Variants in ALPK1 observed in about 807,000 individuals in gnomAD.
ALPK1 encodes the protein alpha-protein kinase 1.
A neutral mutation model predicts 120.6 loss-of-function variants in ALPK1; 110 were observed. The observed-to-expected ratio is 0.91, with a 90% CI of 0.78 to 1.07. The LOEUF is 1.07. Ranked by LOEUF, ALPK1 falls within the 50% of genes least tolerant of loss-of-function variation. ALPK1 has a pLI of 0.00. For missense variants in ALPK1, 1,498 were observed against 1,483.9 expected (o/e 1.01, Z -0.16); for synonymous variants, 582 against 560.3 (o/e 1.04, Z -0.55).
At chr4:112,349,225 T>C (rs899494547) in intron 2 of ALPK1, among the ~76,000 whole-genome samples, 8 of 152,192 alleles carry the variant, frequency 5.3e-5, no homozygotes, top group African/African-American at 1.9e-4. Context: ...CTGCAATTAC[T>C]TTTGCATCAA....
intron 2 of ALPK1, among the ~76,000 whole-genome samples, chr4:112,340,868 A>C (rs187342895): frequency 8.5e-5 from 13 of 152,372 alleles, no homozygotes; most frequent in Non-Finnish European, 1.8e-4. Context: ...TTCAGAACGC[A>C]TTTGGTATTA....
At chr4:112,336,476 A>G (rs1355385697) in intron 2 of ALPK1, among the ~76,000 whole-genome samples, 1 of 152,218 alleles carries the variant, frequency 6.6e-6, no homozygotes, top group African/African-American at 2.4e-5. Flanking sequence ...TTTTGTAAAT[A>G]GAGATGACCA....
chr4:112,306,923 T>A (rs754225285), intron 1 of ALPK1, among the ~76,000 whole-genome samples: 7 of 152,138 alleles, frequency 4.6e-5, no homozygotes, highest in Non-Finnish European at 1.0e-4. Flanking sequence ...CTACTTTAAA[T>A]GTGTCCCAGA....
chr4:112,424,080 C>T, intron 6 of ALPK1, 77 bp downstream of exon 6: 1 of 1,393,390 alleles, frequency 7.2e-7, no homozygotes, highest in Non-Finnish European at 1.0e-6. Flanking sequence ...AACTTAGTGA[C>T]TTAATAGTTA....
intron 5 of ALPK1, among the ~76,000 whole-genome samples, chr4:112,421,189 C>T (rs1733977150): frequency 6.6e-6 from 1 of 152,162 alleles, no homozygotes; most frequent in Non-Finnish European, 1.5e-5. Context: ...GAAAGTTTGA[C>T]TCCCAGATGT....
At chr4:112,397,507 T>C (rs1732702235) in intron 4 of ALPK1, among the ~76,000 whole-genome samples, 1 of 152,210 alleles carries the variant, frequency 6.6e-6, no homozygotes, top group South Asian at 2.1e-4. Flanking sequence ...ATGGGCACTG[T>C]ATGTGAAATC....
chr4:112,335,024 G>A (rs1436013606), intron 2 of ALPK1, among the ~76,000 whole-genome samples: 2 of 152,138 alleles, frequency 1.3e-5, no homozygotes, highest in South Asian at 2.1e-4. Flanking sequence ...TTGGGAGGCC[G>A]AGGAGGGCGG....
chr4:112,301,037 T>C (rs966943534), intron 1 of ALPK1, among the ~76,000 whole-genome samples: 3 of 152,074 alleles, frequency 2.0e-5, no homozygotes, highest in Non-Finnish European at 2.9e-5. Flanking sequence ...TACCTTTTTT[T>C]CTACAAAAAA....
rs1735024341 is a variant in ALPK1 at position 112,441,107 on chromosome 4, T to TA, written c.3727+4dup. The TA allele has an allele frequency of 6.2e-7, 1 of 1,613,990 alleles. No homozygotes were observed. Among genetic ancestry groups the TA allele is most frequent in the Non-Finnish European group, 8.5e-7 (1 of 1,179,868 alleles). On this transcript the variant is annotated splice_region_variant and intron_variant, in intron 15 of 15. Coordinates refer to ENST00000650871, the MANE Select transcript of ALPK1 (RefSeq NM_025144.4). The stretch of plus-strand genomic sequence containing the variant: ...CTAGACCTTCAATGGAGAAACCATG[T>TA]AAGTCATAGGCTGTATGGATTGGTA...
At chr4:112,425,820 GA>G in intron 7 of ALPK1, 69 bp downstream of exon 7, 1 of 1,316,170 alleles carries the variant, frequency 7.6e-7, no homozygotes, top group South Asian at 1.3e-5. Context: ...TTTCACTGTG[GA>G]ATTTTCTTCT....
chr4:112,372,418 C>T (rs992043707), intron 2 of ALPK1, among the ~76,000 whole-genome samples: 2 of 152,014 alleles, frequency 1.3e-5, no homozygotes, highest in Non-Finnish European at 2.9e-5. Flanking sequence ...TTCTCCGTAG[C>T]CAGGATGGTC....
At chr4:112,374,009 T>A (rs1239973393) in intron 2 of ALPK1, among the ~76,000 whole-genome samples, 4 of 152,346 alleles carry the variant, frequency 2.6e-5, no homozygotes, top group Non-Finnish European at 5.9e-5. Context: ...CTGGAGTGGC[T>A]GTGGCAATTT....
chr4:112,341,893 G>T (rs1248583042), intron 2 of ALPK1, among the ~76,000 whole-genome samples: 1 of 152,182 alleles, frequency 6.6e-6, no homozygotes, highest in African/African-American at 2.4e-5. Context: ...TGTGCCTACA[G>T]TTGCTTTCAC....
intron 12 of ALPK1, among the ~76,000 whole-genome samples, chr4:112,438,177 C>T (rs1022183633): frequency 6.6e-6 from 1 of 152,184 alleles, no homozygotes; most frequent in African/African-American, 2.4e-5. Flanking sequence ...AATCCATGCA[C>T]ATTCCAGTAT....
intron 2 of ALPK1, chr4:112,316,274 T>C (rs1379560966): frequency 1.3e-5 from 2 of 152,234 alleles, no homozygotes; most frequent in Admixed American, 1.3e-4. Context: ...AGGTACTTCA[T>C]ATAAGTGATA....
In ALPK1 at chr4:112,441,346, C is replaced by T. The variant is rs1735034619; in HGVS notation, c.*136C>T. 2.6e-6 allele frequency: 2 copies of T among 768,616 alleles called. No individual in the cohort carries two copies. Among genetic ancestry groups the T allele is most frequent in the Non-Finnish European group, 4.8e-6 (2 of 420,772 alleles). 47.6% of individuals were successfully genotyped at this position (768,616 alleles called of 1,614,324 possible). A position where few individuals can be genotyped will look rare whatever the true frequency, so the allele number is the denominator to read the frequency against. ...GGCAGCACAAGATCCTGCAGAGCCTCTTTCCCTCTGCCACAGTTATCAAGA... is the reference window on the plus strand; with the variant it reads ...GGCAGCACAAGATCCTGCAGAGCCTTTTTCCCTCTGCCACAGTTATCAAGA... On this transcript the variant is annotated 3_prime_UTR_variant, in exon 16 of 16. Coordinates refer to ENST00000650871, the MANE Select transcript of ALPK1 (RefSeq NM_025144.4).
chr4:112,416,489 G>A (rs935210191), intron 5 of ALPK1, among the ~76,000 whole-genome samples: 1 of 152,174 alleles, frequency 6.6e-6, no homozygotes, highest in African/African-American at 2.4e-5. Context: ...AAAAAACACA[G>A]AAGCATAGGA....
At chr4:112,324,952 A>C (rs1021627281) in intron 2 of ALPK1, among the ~76,000 whole-genome samples, 1 of 120,554 alleles carries the variant, frequency 8.3e-6, no homozygotes, top group Non-Finnish European at 1.6e-5. Flanking sequence ...GAAGAAGGAG[A>C]GTCACTGAGG....
chr4:112,314,019 G>C (rs1390291111), intron 1 of ALPK1, among the ~76,000 whole-genome samples: 1 of 152,228 alleles, frequency 6.6e-6, no homozygotes, highest in African/African-American at 2.4e-5. Flanking sequence ...GAGAGCAAAA[G>C]CTTGACGATG....
Sources: allele counts gnomAD v4.1 joint callset (sites outside exome capture counted in the v4.1 genomes callset), GRCh38; gene constraint gnomAD v4.1.1; transcripts MANE v1.5; gene names NCBI Gene and HGNC (gene_info 2026-07-23, HGNC 2026-07-21).